Variants in ATP6V0A4 observed in about 807,000 individuals in gnomAD.
ATP6V0A4 encodes the protein ATPase H+ transporting V0 subunit a4.
Under a neutral mutation model 107.3 loss-of-function variants are expected in ATP6V0A4, and 86 were observed. The observed-to-expected ratio is 0.80, with a 90% CI of 0.67 to 0.96. The LOEUF (loss-of-function observed/expected upper bound fraction) is 0.96. Among genes scored for constraint, ATP6V0A4 ranks in the 40% least tolerant of loss-of-function variants. The pLI, the probability that ATP6V0A4 is intolerant of heterozygous loss-of-function variation, is 0.00. For missense variants in ATP6V0A4, 908 were observed against 1,045.6 expected (o/e 0.87, Z 1.81); for synonymous variants, 353 against 381.4 (o/e 0.93, Z 0.87).
At position 138,722,008 on chromosome 7, in the gene ATP6V0A4, G is replaced by T; in HGVS notation, c.2028C>A (p.Ile676=). Residue 676 remains isoleucine, a synonymous_variant, in exon 19 of 22, where the codon ATC becomes ATA. Coordinates refer to ENST00000310018, the MANE Select transcript of ATP6V0A4 (RefSeq NM_020632.3). ...HRKSQLQASR[I]QEDATENIEG... Reference sequence around the variant, plus strand: ...CAATGTTCTCAGTGGCATCTTCTTGGATCCTGGATGCCTGCAGCTGACAAC... The same window carrying T: ...CAATGTTCTCAGTGGCATCTTCTTGTATCCTGGATGCCTGCAGCTGACAAC... 1 of 1,614,158 alleles carries T rather than the reference G, an allele frequency of 6.2e-7. No individual in the cohort carries two copies. The highest frequency in any genetic ancestry group is 8.5e-7 in the Non-Finnish European group (1 of 1,180,038).
intron 6 of ATP6V0A4, 133 bp downstream of exon 6, chr7:138,762,767 C>T (rs527275280): frequency 1.7e-5 from 19 of 1,107,056 alleles, no homozygotes; most frequent in African/African-American, 3.1e-5. Context: ...AATACTCCCC[C>T]GCCCTCACCA....
At chr7:138,725,779 C>T (rs1804680651) in intron 18 of ATP6V0A4, among the ~76,000 whole-genome samples, 1 of 152,122 alleles carries the variant, frequency 6.6e-6, no homozygotes, top group Non-Finnish European at 1.5e-5. Context: ...TCCCAGAGTG[C>T]TGGGATTACA....
chr7:138,710,839 C>T (rs928996323), intron 20 of ATP6V0A4, among the ~76,000 whole-genome samples: 1 of 152,090 alleles, frequency 6.6e-6, no homozygotes, highest in Non-Finnish European at 1.5e-5. Context: ...CCAACAACAT[C>T]TTATACGTAG....
At position 138,725,009 on chromosome 7, in the gene ATP6V0A4, A is replaced by G. The variant is rs528888731; in HGVS notation, c.2011-2984T>C. 5.9e-4 allele frequency among the ~76,000 whole-genome samples: 90 copies of G among 152,306 alleles called. 4 individuals are homozygous for G. The South Asian group carries it at 0.018, about 31-fold the overall frequency. ...CATGTGGCTGGGCACAGTGGCTCAC[A>G]CTTACAATCCCAGTGCTTTGGGAGG... On this transcript the variant is annotated intron_variant, in intron 18 of 21. Coordinates refer to ENST00000310018, the MANE Select transcript of ATP6V0A4 (RefSeq NM_020632.3).
intron 2 of ATP6V0A4, among the ~76,000 whole-genome samples, chr7:138,783,098 C>T (rs1190901565): frequency 1.3e-5 from 2 of 152,048 alleles, no homozygotes; most frequent in African/African-American, 4.8e-5. Flanking sequence ...GCACAGAAAT[C>T]AACTACAGCT....
In ATP6V0A4 at chr7:138,784,267, C is replaced by CGT. The variant is rs1429349898; in HGVS notation, c.-18+1890_-18+1891insAC. Among the ~76,000 whole-genome samples the CGT allele has an allele frequency of 5.4e-3, 646 of 119,284 alleles. 26 individuals carry two copies. The highest frequency in any genetic ancestry group is 0.024 in the African/African-American group (617 of 25,826). The allele number at this position is 119,284 out of a possible 152,430, so 78.3% of individuals were successfully genotyped here. A position where few individuals can be genotyped will look rare whatever the true frequency, so the allele number is the denominator to read the frequency against. On this transcript the variant is annotated intron_variant, in intron 2 of 21. Transcript: ENST00000310018. ...ATATATATATACATATATATATATACATATATATATATACATATATATACA... is the reference window on the plus strand; with the variant it reads ...ATATATATATACATATATATATATACGTATATATATATATACATATATATACA...
chr7:138,761,826 C>T (rs962537688), intron 7 of ATP6V0A4, among the ~76,000 whole-genome samples: 3 of 151,988 alleles, frequency 2.0e-5, no homozygotes, highest in South Asian at 4.2e-4. Flanking sequence ...ATTACAGGCA[C>T]GTGCGACCAT....
chr7:138,734,127 G>T lies in ATP6V0A4; in HGVS notation c.1691+9C>A, dbSNP rs771895516. 1.1e-5 allele frequency: 18 copies of T among 1,607,200 alleles called. No homozygotes were observed. The highest frequency in any genetic ancestry group is 1.7e-5 in the Admixed American group (1 of 59,942). On this transcript the variant is annotated intron_variant, in intron 16 of 21. Coordinates refer to ENST00000310018, the MANE Select transcript of ATP6V0A4 (RefSeq NM_020632.3). ...ACAGAGCAGGCAGAGAGTGCATCAA[G>T]AAACTTACATGTGATTGAAAAGGCT...
At position 138,706,367 on chromosome 7, in the gene ATP6V0A4, C is replaced by A. The variant is rs1290831398; in HGVS notation, c.*257G>T. ...CAAGAAGACATCTGTTTAGCATTCT[C>A]CCCTCATTTGTCAATTACTTTATTA... is the stretch of plus-strand genomic sequence containing the variant. On this transcript the variant is annotated 3_prime_UTR_variant, in exon 22 of 22. Transcript: ENST00000310018. 2.0e-6 allele frequency: 1 copy of A among 498,048 alleles called. No individual in the cohort carries two copies. The highest frequency in any genetic ancestry group is 3.7e-6 in the Non-Finnish European group (1 of 272,674). 30.9% of individuals were successfully genotyped at this position (498,048 alleles called of 1,614,324 possible). A position where few individuals can be genotyped will look rare whatever the true frequency, so the allele number is the denominator to read the frequency against.
Position 138,718,201 on chromosome 7 carries a change from GGTGTGT to G in ATP6V0A4, c.2140-2326_2140-2321del, listed in dbSNP as rs745612469. On this transcript the variant is annotated intron_variant, in intron 19 of 21. Transcript: ENST00000310018. ...GGAGGGAGACGTCCAGGAAGGAATG[GGTGTGT>G]GTGTGTGTGTGTGTGTGTGTGTGCG... is the stretch of plus-strand genomic sequence containing the variant. Among the ~76,000 whole-genome samples, 7 of 45,540 alleles carry G rather than the reference GGTGTGT, an allele frequency of 1.5e-4. 1 individual carries two copies. The highest frequency in any genetic ancestry group is 5.2e-4 in the Admixed American group (2 of 3,828). 29.9% of individuals were successfully genotyped at this position (45,540 alleles called of 152,430 possible). A position where few individuals can be genotyped will look rare whatever the true frequency, so the allele number is the denominator to read the frequency against.
At chr7:138,770,814 G>A (rs1386828713) in intron 3 of ATP6V0A4, among the ~76,000 whole-genome samples, 1 of 152,142 alleles carries the variant, frequency 6.6e-6, no homozygotes, top group Non-Finnish European at 1.5e-5. Flanking sequence ...CATGCCCATT[G>A]GCTATATACA....
At chr7:138,771,404 T>C (rs1807381132) in intron 2 of ATP6V0A4, 140 bp from the exon 3 acceptor site, 2 of 919,472 alleles carry the variant, frequency 2.2e-6, no homozygotes, top group Admixed American at 6.2e-5. Context: ...AGGAGACTTT[T>C]TTTTTTTTTT....
intron 14 of ATP6V0A4, 73 bp downstream of exon 14, chr7:138,745,050 C>A (rs1257121841): frequency 7.2e-7 from 1 of 1,394,320 alleles, no homozygotes; most frequent in African/African-American, 1.4e-5. Flanking sequence ...GTGTAGACTC[C>A]CCCAACCATG....
At chr7:138,772,419 G>C (rs1807439460) in intron 2 of ATP6V0A4, among the ~76,000 whole-genome samples, 1 of 152,174 alleles carries the variant, frequency 6.6e-6, no homozygotes, top group Non-Finnish European at 1.5e-5. Context: ...AAATAAATCT[G>C]TATGTCCTGT....
intron 5 of ATP6V0A4, among the ~76,000 whole-genome samples, chr7:138,766,219 T>TTA (rs201114419): frequency 1.0e-5 from 1 of 100,416 alleles, no homozygotes. Flanking sequence ...TTTTTTTTTT[T>TTA]GGAAACACAG....
Position 138,795,496 on chromosome 7 carries a change from G to A in ATP6V0A4, c.-121+2538C>T, listed in dbSNP as rs184982420. Among the ~76,000 whole-genome samples, 343 of 152,308 alleles carry A rather than the reference G, an allele frequency of 2.3e-3. 2 individuals are homozygous for A. Among genetic ancestry groups the A allele is most frequent in the South Asian group, 5.2e-3 (25 of 4,818 alleles). On this transcript the variant is annotated intron_variant, in intron 1 of 21. Transcript: ENST00000310018. ...CATACCTCAGGTTCCGATTCCATAG[G>A]AGGGACAGGCTCTGCTCACGTCAAA...
intron 1 of ATP6V0A4, among the ~76,000 whole-genome samples, chr7:138,787,807 C>T (rs7801983): frequency 3.3e-5 from 5 of 151,966 alleles, no homozygotes; most frequent in East Asian, 3.9e-4. Flanking sequence ...AGACTAGCCT[C>T]GGTAACAGAG....
At chr7:138,734,058 C>T in intron 16 of ATP6V0A4, 78 bp downstream of exon 16, 1 of 1,494,718 alleles carries the variant, frequency 6.7e-7, no homozygotes, top group East Asian at 2.3e-5. Flanking sequence ...AGATGCAGTT[C>T]CCAAACCAGT....
At chr7:138,709,530 C>T in intron 21 of ATP6V0A4, 94 bp downstream of exon 21, 2 of 1,216,140 alleles carry the variant, frequency 1.6e-6, no homozygotes, top group Non-Finnish European at 1.2e-6. Flanking sequence ...GCTAAAGTCA[C>T]ATACAGCTCA....
Sources: gnomAD v4.1 joint callset for allele counts (sites outside exome capture counted in the v4.1 genomes callset) on GRCh38, gnomAD v4.1.1 for gene constraint, MANE v1.5 for transcripts, NCBI Gene and HGNC (gene_info 2026-07-23, HGNC 2026-07-21) for gene names.